PDS5A: variants seen among roughly 807,000 people sequenced by gnomAD.
PDS5A encodes sister chromatid cohesion protein PDS5 homolog A.
A neutral mutation model predicts 167.1 loss-of-function variants in PDS5A; 42 were observed. That is an observed-to-expected ratio of 0.25 (90% CI 0.20 to 0.33). The LOEUF (loss-of-function observed/expected upper bound fraction) is 0.33. Ranked by LOEUF, PDS5A falls within the 10% of genes least tolerant of loss-of-function variation. The pLI, the probability that PDS5A is intolerant of heterozygous loss-of-function variation, is 1.00. For synonymous variants in PDS5A, 553 were observed against 554.6 expected (o/e 1.00, Z 0.04); for missense variants, 1,033 against 1,605.9 (o/e 0.64, Z 6.10).
chr4:39,848,893 C>T lies in PDS5A; in HGVS notation c.3297G>A (p.Lys1099=). The T allele has an allele frequency of 6.2e-7, 1 of 1,607,054 alleles. No homozygotes were observed. The highest frequency in any genetic ancestry group is 8.5e-7 in the Non-Finnish European group (1 of 1,175,844). The change falls in exon 28 of 33, where the codon AAG becomes AAA. Residue 1099 remains lysine (K), a synonymous_variant. Transcript: ENST00000303538. ...KSALCNADSP[K]DPVLPMKFFT... is the part of the protein sequence containing the mutation. The stretch of plus-strand genomic sequence containing the variant: ...AAAATTTCATTGGGAGGACTGGGTC[C>T]TTTGGTGAATCTGCATTGCACAAAG...
intron 3 of PDS5A, 102 bp downstream of exon 3, chr4:39,927,859 A>G: frequency 3.9e-6 from 3 of 772,200 alleles, no homozygotes; most frequent in Admixed American, 2.8e-5. Context: ...GAAGAGACTA[A>G]TATGAAACCT....
At chr4:39,849,675 G>A (rs1411605178) in intron 26 of PDS5A, 23 bp from the exon 27 acceptor site, 3 of 1,573,036 alleles carry the variant, frequency 1.9e-6, no homozygotes, top group Non-Finnish European at 2.6e-6. Context: ...ATATTAAAGA[G>A]ACTAGACGTA....
At chr4:39,872,172 CTTTTT>C (rs35032799) in intron 21 of PDS5A, among the ~76,000 whole-genome samples, 1 of 95,482 alleles carries the variant, frequency 1.0e-5, no homozygotes, top group Non-Finnish European at 2.3e-5. Context: ...AGTCCACTTA[CTTTTT>C]TTTTTTTTTT....
chr4:39,861,168 G>A (rs1183790823), intron 26 of PDS5A, among the ~76,000 whole-genome samples: 1 of 151,910 alleles, frequency 6.6e-6, no homozygotes, highest in East Asian at 1.9e-4. Context: ...GGGGAATAAA[G>A]AGAGACTGGT....
chr4:39,937,362 C>A (rs149483986), intron 2 of PDS5A, among the ~76,000 whole-genome samples: 34 of 152,086 alleles, frequency 2.2e-4, no homozygotes, highest in Admixed American at 5.9e-4. Context: ...TAAATATGTC[C>A]AAATTATTGT....
chr4:39,833,757 A>G (rs1479737109), intron 32 of PDS5A, among the ~76,000 whole-genome samples: 1 of 152,062 alleles, frequency 6.6e-6, no homozygotes, highest in Non-Finnish European at 1.5e-5. Context: ...ATTTACGGGG[A>G]AAAAAATTCA....
Position 39,922,761 on chromosome 4 carries a change from A to AG in PDS5A, c.528-14_528-13insC. 6.8e-7 allele frequency: 1 copy of AG among 1,478,310 alleles called. No individual in the cohort carries two copies. The highest frequency in any genetic ancestry group is 9.0e-7 in the Non-Finnish European group (1 of 1,113,658). 91.6% of individuals were successfully genotyped at this position (1,478,310 alleles called of 1,614,324 possible). ...ATTGTGGCTATTGCTATAAAAAAAAAAAAAAAAGAATAAGTAGTAGGAGGA... is the reference window on the plus strand; with the variant it reads ...ATTGTGGCTATTGCTATAAAAAAAAAGAAAAAAAGAATAAGTAGTAGGAGGA... On this transcript the variant is annotated splice_polypyrimidine_tract_variant and intron_variant, in intron 5 of 32. Transcript: ENST00000303538.
At chr4:39,906,290 C>A (rs1418251099) in intron 11 of PDS5A, among the ~76,000 whole-genome samples, 2 of 151,914 alleles carry the variant, frequency 1.3e-5, no homozygotes, top group Non-Finnish European at 2.9e-5. Context: ...ATCGCTTGAG[C>A]CTGGGAAGAG....
intron 5 of PDS5A, among the ~76,000 whole-genome samples, chr4:39,924,902 A>G (rs1725314406): frequency 6.6e-6 from 1 of 152,212 alleles, no homozygotes; most frequent in Non-Finnish European, 1.5e-5. Context: ...ACTTGAGGTC[A>G]AAAGTTTTAG....
chr4:39,856,210 A>C (rs1718510534), intron 26 of PDS5A, among the ~76,000 whole-genome samples: 1 of 152,164 alleles, frequency 6.6e-6, no homozygotes. Flanking sequence ...AAAAAACAAA[A>C]AACAAAAAAA....
At chr4:39,930,344 C>G (rs1256620500) in intron 2 of PDS5A, among the ~76,000 whole-genome samples, 1 of 148,976 alleles carries the variant, frequency 6.7e-6, no homozygotes, top group Non-Finnish European at 1.5e-5. Flanking sequence ...CTGCCTGCCT[C>G]AGCCTCCCAA....
intron 20 of PDS5A, among the ~76,000 whole-genome samples, chr4:39,873,980 G>A (rs1483661241): frequency 6.6e-6 from 1 of 152,170 alleles, no homozygotes; most frequent in African/African-American, 2.4e-5. Context: ...GGAATTCGGG[G>A]CTGCAGTGAG....
At chr4:39,933,655 C>T (rs1726301349) in intron 2 of PDS5A, 1 of 151,872 alleles carries the variant, frequency 6.6e-6, no homozygotes. Context: ...ACCACAAAGT[C>T]TATTCACAGA....
chr4:39,915,965 T>C (rs1578734709), intron 8 of PDS5A, among the ~76,000 whole-genome samples: 1 of 152,170 alleles, frequency 6.6e-6, no homozygotes, highest in African/African-American at 2.4e-5. Flanking sequence ...CCAGGCTCAG[T>C]GGCTCATGCC....
At position 39,825,135 on chromosome 4, in the gene PDS5A, G is replaced by A. The variant is rs1398591565; in HGVS notation, c.*350C>T. ...TACTTTCTTTAAAATAAAAACTGCAGCGTGGAAATTAATGGTGTATTACGC... is the reference window on the plus strand; with the variant it reads ...TACTTTCTTTAAAATAAAAACTGCAACGTGGAAATTAATGGTGTATTACGC... On this transcript the variant is annotated 3_prime_UTR_variant, in exon 33 of 33. Coordinates refer to ENST00000303538, the MANE Select transcript of PDS5A (RefSeq NM_001100399.2). 3 of 210,306 alleles carry A rather than the reference G, an allele frequency of 1.4e-5. No individual in the cohort carries two copies. Among genetic ancestry groups the A allele is most frequent in the East Asian group, 2.0e-4 (2 of 10,174 alleles). 13.0% of individuals were successfully genotyped at this position (210,306 alleles called of 1,614,324 possible).
chr4:39,892,119 A>C (rs1400606266), intron 16 of PDS5A, among the ~76,000 whole-genome samples: 3 of 150,752 alleles, frequency 2.0e-5, no homozygotes, highest in Non-Finnish European at 4.4e-5. Context: ...AAACAAAAAA[A>C]AGTTAACTAT....
intron 17 of PDS5A, among the ~76,000 whole-genome samples, chr4:39,886,710 T>C (rs1215384522): frequency 1.3e-5 from 2 of 150,628 alleles, no homozygotes; most frequent in Non-Finnish European, 3.0e-5. Context: ...TGAAACACCA[T>C]CTCAAAAAAA....
At chr4:39,938,011 T>G (rs191795384) in intron 2 of PDS5A, among the ~76,000 whole-genome samples, 201 of 152,312 alleles carry the variant, frequency 1.3e-3, no homozygotes, top group African/African-American at 4.7e-3. Context: ...CTCCTACCAA[T>G]CACACAGAAT....
chr4:39,974,442 A>T (rs1730878030), intron 2 of PDS5A: 1 of 308,488 alleles, frequency 3.2e-6, no homozygotes, highest in Non-Finnish European at 6.3e-6. Context: ...TTTAAGTTTT[A>T]TATTTCATAA....
Sources: allele counts gnomAD v4.1 joint callset (sites outside exome capture counted in the v4.1 genomes callset), GRCh38; gene constraint gnomAD v4.1.1; transcripts MANE v1.5; gene names NCBI Gene and HGNC (gene_info 2026-07-23, HGNC 2026-07-21).